GRK5: variants seen among roughly 807,000 people sequenced by gnomAD.
The protein encoded by GRK5 is g protein-coupled receptor kinase GRK5.
A neutral mutation model predicts 78.4 loss-of-function variants in GRK5; 40 were observed. The observed-to-expected ratio is 0.51, with a 90% CI of 0.40 to 0.66. The LOEUF (loss-of-function observed/expected upper bound fraction) is 0.66, where lower values mean the gene tolerates loss of function less well. Among genes scored for constraint, GRK5 ranks in the 30% least tolerant of loss-of-function variants. GRK5 has a pLI of 0.00. For synonymous variants in GRK5, 289 were observed against 296.8 expected, an observed-to-expected ratio of 0.97 and a Z score of 0.27; for missense variants, 598 against 759.9, an observed-to-expected ratio of 0.79 and a Z score of 2.50.
rs534406106 is a variant in GRK5 at position 119,387,318 on chromosome 10, A to G, written c.261+6391A>G. Among the ~76,000 whole-genome samples, 5 of 152,186 alleles carry G rather than the reference A, an allele frequency of 3.3e-5. No homozygotes were observed. In the South Asian group the frequency reaches 1.0e-3, roughly 32 times the overall value. ...CGTGCCCGGCCTTCTGTGCAGTCTT[A>G]ATGTCCACATTTCTCAAGTCAAGTG... is the stretch of plus-strand genomic sequence containing the variant. On this transcript the variant is annotated intron_variant, in intron 3 of 15. Transcript: ENST00000392870.
At chr10:119,315,195 G>T (rs1335644799) in intron 1 of GRK5, among the ~76,000 whole-genome samples, 1 of 152,218 alleles carries the variant, frequency 6.6e-6, no homozygotes, top group African/African-American at 2.4e-5. Context: ...CTTTCACAGT[G>T]GTTGCCAAGT....
chr10:119,365,387 C>A (rs1470173984), intron 2 of GRK5, among the ~76,000 whole-genome samples: 2 of 152,154 alleles, frequency 1.3e-5, no homozygotes, highest in African/African-American at 4.8e-5. Context: ...CAGAGACAGC[C>A]CTTGAAGATT....
In GRK5 at chr10:119,217,454, G is replaced by A. The variant is rs1304811756; in HGVS notation, c.52+9485G>A. ...CACACATAAGCACATGTGTACGTAT[G>A]TGGTATGATCGCCTGTGGAGGCCCA... On this transcript the variant is annotated intron_variant, in intron 1 of 15. Transcript: ENST00000392870. The surrounding 1 kb of genome is among the most constrained non-coding windows in gnomAD (Gnocchi z 4.1). 6.6e-6 allele frequency among the ~76,000 whole-genome samples: 1 copy of A among 152,252 alleles called. No individual in the cohort carries two copies. Among genetic ancestry groups the A allele is most frequent in the Non-Finnish European group, 1.5e-5 (1 of 68,044 alleles).
In GRK5 at chr10:119,363,252, G is replaced by T. The variant is rs1244138956; in HGVS notation, c.149-17563G>T. Among the ~76,000 whole-genome samples, 6 of 149,854 alleles carry T rather than the reference G, an allele frequency of 4.0e-5. No individual in the cohort carries two copies. In the South Asian group the frequency reaches 1.3e-3, roughly 32 times the overall value. On this transcript the variant is annotated intron_variant, in intron 2 of 15. Transcript: ENST00000392870. ...GCCAAGATTGCATCACTGCACTCCA[G>T]CCTCGGCGACAAGAGTGAAACTGTC...
At chr10:119,453,870 G>A (rs1201845859) in intron 15 of GRK5, among the ~76,000 whole-genome samples, 3 of 152,212 alleles carry the variant, frequency 2.0e-5, no homozygotes, top group Non-Finnish European at 4.4e-5. Flanking sequence ...AGGAGACAGG[G>A]CCCTTGGGAA....
intron 11 of GRK5, among the ~76,000 whole-genome samples, 169 bp from the exon 12 acceptor site, chr10:119,443,375 T>G (rs1408725568): frequency 6.6e-6 from 1 of 152,132 alleles, no homozygotes; most frequent in African/African-American, 2.4e-5. Context: ...TCAAAGTCCT[T>G]CGGGGGCACA....
intron 4 of GRK5, among the ~76,000 whole-genome samples, chr10:119,419,550 G>A (rs1000566489): frequency 3.3e-5 from 5 of 152,196 alleles, no homozygotes; most frequent in African/African-American, 9.6e-5. Context: ...TCTTCAAGTC[G>A]AGCCAGTGGT....
intron 1 of GRK5, among the ~76,000 whole-genome samples, chr10:119,297,894 A>G (rs1442665402): frequency 6.6e-6 from 1 of 152,238 alleles, no homozygotes; most frequent in African/African-American, 2.4e-5. Context: ...AACTCAATGG[A>G]AACTTCTTGT....
At chr10:119,218,115 T>G (rs58102410) in intron 1 of GRK5, among the ~76,000 whole-genome samples, 1 of 151,706 alleles carries the variant, frequency 6.6e-6, no homozygotes, top group East Asian at 1.9e-4. Flanking sequence ...GCGTTAATGT[T>G]GCAACTCTGC....
At chr10:119,244,165 CA>C (rs1849069318) in intron 1 of GRK5, among the ~76,000 whole-genome samples, 2 of 152,264 alleles carry the variant, frequency 1.3e-5, no homozygotes, top group Admixed American at 1.3e-4. Context: ...ATGGGCATGA[CA>C]GTGTGCCAAT....
intron 1 of GRK5, among the ~76,000 whole-genome samples, chr10:119,249,202 C>T (rs1280489707): frequency 5.4e-5 from 8 of 146,998 alleles, no homozygotes; most frequent in Non-Finnish European, 1.2e-4. Context: ...ACCCAGGAAG[C>T]GGAGGTTGCA....
chr10:119,386,357 G>A (rs989036434), intron 3 of GRK5, among the ~76,000 whole-genome samples: 13 of 152,232 alleles, frequency 8.5e-5, no homozygotes, highest in Non-Finnish European at 1.8e-4. Context: ...GAGCCATCTA[G>A]AGAGTTGATG....
intron 15 of GRK5, 140 bp downstream of exon 15, chr10:119,453,416 AT>A: frequency 2.1e-6 from 2 of 959,258 alleles, no homozygotes; most frequent in Non-Finnish European, 3.1e-6. Context: ...AGGGCAACTG[AT>A]TATGTCCAAG....
intron 1 of GRK5, among the ~76,000 whole-genome samples, chr10:119,294,215 A>G (rs1343296211): frequency 6.6e-6 from 1 of 152,228 alleles, no homozygotes; most frequent in East Asian, 1.9e-4. Context: ...CCACTCGAGC[A>G]TATTTCAGAA....
chr10:119,208,396 CT>C, intron 1 of GRK5: 1 of 179,722 alleles, frequency 5.6e-6, no homozygotes, highest in Non-Finnish European at 1.2e-5. Flanking sequence ...GAAGCCAAGT[CT>C]TTGCCTGCGC....
Position 119,207,947 on chromosome 10 carries a change from G to C in GRK5, c.30G>C (p.Thr10=), listed in dbSNP as rs767615142. The change falls in exon 1 of 16, where the codon ACG becomes ACC. Residue 10 remains threonine, a synonymous_variant. Transcript: ENST00000392870. The part of the protein sequence containing the change: MELENIVAN[T]VLLKAREGGG... ...AGCTGGAAAACATCGTGGCCAACAC[G>C]GTCTTGCTGAAAGCCAGGGAAGGTA... is the stretch of plus-strand genomic sequence containing the variant. 6.2e-6 allele frequency: 10 copies of C among 1,604,504 alleles called. No homozygotes were observed. The highest frequency in any genetic ancestry group is 7.7e-6 in the Non-Finnish European group (9 of 1,176,396).
Position 119,459,408 on chromosome 10 carries a change from CA to C in GRK5, c.*4344del, listed in dbSNP as rs576016428. 1.6e-5 allele frequency: 2 copies of C among 122,904 alleles called. No homozygotes were observed. Among genetic ancestry groups the C allele is most frequent in the Non-Finnish European group, 4.0e-5 (2 of 50,614 alleles). 7.6% of individuals were successfully genotyped at this position (122,904 alleles called of 1,614,324 possible). On this transcript the variant is annotated 3_prime_UTR_variant, in exon 16 of 16. Transcript: ENST00000392870. ...CTGGCAGAGAAAGACACTTCCCCCC[CA>C]AAGTGGAATTTAGATGTCTTTCCCT...
intron 4 of GRK5, chr10:119,406,593 A>C: frequency 2.1e-5 from 10 of 466,958 alleles, no homozygotes; most frequent in South Asian, 8.9e-5. Flanking sequence ...GGAACAGGTC[A>C]TCCTGTTGTC....
At chr10:119,391,310 G>C (rs113751609) in intron 3 of GRK5, among the ~76,000 whole-genome samples, 5 of 152,140 alleles carry the variant, frequency 3.3e-5, no homozygotes, top group African/African-American at 1.2e-4. Context: ...GGCCCCTGGG[G>C]GACACCCCCA....
Sources: allele counts gnomAD v4.1 joint callset (sites outside exome capture counted in the v4.1 genomes callset), GRCh38; gene constraint gnomAD v4.1.1; non-coding constraint Gnocchi (gnomAD v3.1); transcripts MANE v1.5; gene names NCBI Gene and HGNC (gene_info 2026-07-23, HGNC 2026-07-21).